UBE2D1: variants seen among roughly 807,000 people sequenced by gnomAD.
UBE2D1 encodes the protein ubiquitin-conjugating enzyme E2 D1.
A neutral mutation model predicts 24.6 loss-of-function variants in UBE2D1; 9 were observed. The ratio of observed to expected loss-of-function variants is 0.37; its 90% CI spans 0.22 to 0.64. UBE2D1 has a LOEUF of 0.64. Ranked by LOEUF, UBE2D1 falls within the 30% of genes least tolerant of loss-of-function variation. UBE2D1 has a pLI of 0.64. For synonymous variants in UBE2D1, 57 were observed against 57.6 expected (o/e 0.99, Z 0.04); for missense variants, 87 against 177.1 (o/e 0.49, Z 2.89).
chr10:58,368,104 A>G (rs1840276653), intron 6 of UBE2D1, 88 bp downstream of exon 6: 3 of 944,866 alleles, frequency 3.2e-6, no homozygotes, highest in South Asian at 3.1e-5. Flanking sequence ...TTTTAAGTCA[A>G]TTTGATTATG....
chr10:58,364,152 CAT>C (rs1840230203), intron 4 of UBE2D1, among the ~76,000 whole-genome samples: 1 of 151,712 alleles, frequency 6.6e-6, no homozygotes, highest in Admixed American at 6.6e-5. Context: ...GAGAGAAACA[CAT>C]GTTAGATTTA....
intron 1 of UBE2D1, among the ~76,000 whole-genome samples, chr10:58,344,428 T>C (rs1435320434): frequency 6.6e-6 from 1 of 152,218 alleles, no homozygotes; most frequent in Non-Finnish European, 1.5e-5. Context: ...ACTTGGAAAC[T>C]TAATGGATTG....
At chr10:58,362,519 A>G (rs371816013) in intron 3 of UBE2D1, among the ~76,000 whole-genome samples, 3 of 152,008 alleles carry the variant, frequency 2.0e-5, no homozygotes, top group Admixed American at 6.6e-5. Flanking sequence ...CCTTCAAAAT[A>G]CTCTCATTTA....
At position 58,368,955 on chromosome 10, in the gene UBE2D1, C is replaced by A; in HGVS notation, c.*190C>A. On this transcript the variant is annotated 3_prime_UTR_variant, in exon 7 of 7. Coordinates refer to ENST00000373910, the MANE Select transcript of UBE2D1 (RefSeq NM_003338.5). ...AATACCCTTAAGACTGTGATGAGAG[C>A]ATTTATCATTTTGTATGCATTGAGA... 5.6e-6 allele frequency: 2 copies of A among 354,922 alleles called. No individual in the cohort carries two copies. The highest frequency in any genetic ancestry group is 5.1e-6 in the Non-Finnish European group (1 of 195,658). The allele number at this position is 354,922 out of a possible 1,614,324, so 22.0% of individuals were successfully genotyped here. A position where few individuals can be genotyped will look rare whatever the true frequency, so the allele number is the denominator to read the frequency against.
chr10:58,364,565 G>A, intron 4 of UBE2D1: 1 of 488,974 alleles, frequency 2.0e-6, no homozygotes, highest in Non-Finnish European at 3.6e-6. Flanking sequence ...GCAAAAGAAG[G>A]AAGCTGACTT....
chr10:58,363,545 A>G (rs1345747280), intron 3 of UBE2D1, 64 bp from the exon 4 acceptor site: 29 of 1,183,386 alleles, frequency 2.5e-5, no homozygotes, highest in Non-Finnish European at 3.3e-5. Flanking sequence ...TTTGGGGGAA[A>G]TAATTTTGTT....
chr10:58,337,951 A>G (rs1374324431), intron 1 of UBE2D1, among the ~76,000 whole-genome samples: 1 of 151,970 alleles, frequency 6.6e-6, no homozygotes, highest in Non-Finnish European at 1.5e-5. Context: ...GGTTCAAGCA[A>G]TTCTCCTGCC....
rs1840295426 is a variant in UBE2D1 at position 58,369,847 on chromosome 10, TAA to T, written c.*1084_*1085del. On this transcript the variant is annotated 3_prime_UTR_variant, in exon 7 of 7. Coordinates refer to ENST00000373910, the MANE Select transcript of UBE2D1 (RefSeq NM_003338.5). ...TTTGGGGTTTGTCTTGGATTATATCTAAATGGATTATTTGTTAAAAGTACTGA... is the reference window on the plus strand; with the variant it reads ...TTTGGGGTTTGTCTTGGATTATATCTATGGATTATTTGTTAAAAGTACTGA... 1 of 152,002 alleles carries T rather than the reference TAA, an allele frequency of 6.6e-6. No individual in the cohort carries two copies. Among genetic ancestry groups the T allele is most frequent in the Non-Finnish European group, 1.5e-5 (1 of 67,812 alleles). 9.4% of individuals were successfully genotyped at this position (152,002 alleles called of 1,614,324 possible).
intron 1 of UBE2D1, among the ~76,000 whole-genome samples, chr10:58,335,983 G>A (rs1436995900): frequency 6.6e-6 from 1 of 152,156 alleles, no homozygotes; most frequent in Non-Finnish European, 1.5e-5. Flanking sequence ...AACATAAACT[G>A]TCGCAAATAA....
At chr10:58,360,302 T>G (rs1840181002) in intron 1 of UBE2D1, among the ~76,000 whole-genome samples, 1 of 152,208 alleles carries the variant, frequency 6.6e-6, no homozygotes, top group African/African-American at 2.4e-5. Context: ...GTTATAGTCC[T>G]TTATATTGAA....
intron 3 of UBE2D1, among the ~76,000 whole-genome samples, chr10:58,363,066 T>C (rs1407443851): frequency 6.6e-6 from 1 of 152,152 alleles, no homozygotes; most frequent in Non-Finnish European, 1.5e-5. Flanking sequence ...TCTACATTAT[T>C]TTATAAATAA....
intron 1 of UBE2D1, among the ~76,000 whole-genome samples, chr10:58,342,688 T>TA (rs201823793): frequency 0.019 from 2,948 of 152,226 alleles, 103 homozygotes; most frequent in African/African-American, 0.065. Flanking sequence ...TATTTAGAAA[T>TA]ACGTTATTTA....
intron 1 of UBE2D1, among the ~76,000 whole-genome samples, chr10:58,343,565 A>AATACAT (rs1468406703): frequency 2.0e-5 from 3 of 152,234 alleles, no homozygotes; most frequent in Non-Finnish European, 4.4e-5. Flanking sequence ...AGAGCAAATG[A>AATACAT]ATACATATAC....
chr10:58,337,284 A>G (rs1432264330), intron 1 of UBE2D1, among the ~76,000 whole-genome samples: 2 of 152,170 alleles, frequency 1.3e-5, no homozygotes, highest in African/African-American at 2.4e-5. Flanking sequence ...ATCGACTTAC[A>G]CAAATCTTCT....
intron 1 of UBE2D1, among the ~76,000 whole-genome samples, chr10:58,348,306 C>T (rs1454836707): frequency 6.6e-6 from 1 of 152,182 alleles, no homozygotes; most frequent in Non-Finnish European, 1.5e-5. Context: ...TGAAATAGCT[C>T]TAGTCAACTG....
rs530226500 is a variant in UBE2D1 at position 58,360,758 on chromosome 10, A to G, written c.25-580A>G. Reference sequence around the variant, plus strand: ...AACATGGCGAGACCCCATCTCTACAAATAAAATTAGCCGGGTGTGCTGGCA... The same window carrying G: ...AACATGGCGAGACCCCATCTCTACAGATAAAATTAGCCGGGTGTGCTGGCA... On this transcript the variant is annotated intron_variant, in intron 1 of 6. Transcript: ENST00000373910. Among the ~76,000 whole-genome samples the G allele has an allele frequency of 7.9e-5, 12 of 152,150 alleles. No homozygotes were observed. In the East Asian group the frequency reaches 1.7e-3, roughly 22 times the overall value.
rs549865293 is a variant in UBE2D1 at position 58,369,420 on chromosome 10, TACTTG to T, written c.*660_*664del. ...AGAAACACTTGTTTTGATTTTGTTA[TACTTG>T]ACTTAACTTTATTGCAATGTGAATT... On this transcript the variant is annotated 3_prime_UTR_variant, in exon 7 of 7. Coordinates refer to ENST00000373910, the MANE Select transcript of UBE2D1 (RefSeq NM_003338.5). 1.6e-3 allele frequency: 237 copies of T among 152,646 alleles called. No individual in the cohort carries two copies. Among genetic ancestry groups the T allele is most frequent in the Non-Finnish European group, 2.4e-3 (165 of 67,828 alleles). 9.5% of individuals were successfully genotyped at this position (152,646 alleles called of 1,614,324 possible). A position where few individuals can be genotyped will look rare whatever the true frequency, so the allele number is the denominator to read the frequency against.
intron 1 of UBE2D1, among the ~76,000 whole-genome samples, chr10:58,350,553 T>A (rs1447358513): frequency 6.6e-6 from 1 of 152,222 alleles, no homozygotes; most frequent in African/African-American, 2.4e-5. Flanking sequence ...ACTTTGTGGC[T>A]TGTCTCTTCA....
intron 1 of UBE2D1, among the ~76,000 whole-genome samples, chr10:58,353,483 A>G (rs1840098984): frequency 6.6e-6 from 1 of 152,154 alleles, no homozygotes. Flanking sequence ...AAAGCAACCC[A>G]TAGCTGTGTC....
Sources: gnomAD v4.1 joint callset for allele counts (sites outside exome capture counted in the v4.1 genomes callset) on GRCh38, gnomAD v4.1.1 for gene constraint, MANE v1.5 for transcripts, NCBI Gene and HGNC (gene_info 2026-07-23, HGNC 2026-07-21) for gene names.